BICC1: variants seen among roughly 807,000 people sequenced by gnomAD.
BICC1 encodes the protein BicC family RNA binding protein 1, also known as protein bicaudal C homolog 1.
A neutral mutation model predicts 111.0 loss-of-function variants in BICC1; 43 were observed. The observed-to-expected ratio is 0.39, with a 90% CI of 0.30 to 0.50. The LOEUF is 0.50. Among genes scored for constraint, BICC1 ranks in the 20% least tolerant of loss-of-function variants. The pLI, the probability that BICC1 is intolerant of heterozygous loss-of-function variation, is 0.88. For missense variants in BICC1, 1,091 were observed against 1,203.2 expected, an observed-to-expected ratio of 0.91 and a Z score of 1.38; for synonymous variants, 467 against 434.4, an observed-to-expected ratio of 1.07 and a Z score of -0.93.
intron 1 of BICC1, among the ~76,000 whole-genome samples, chr10:58,552,891 G>A (rs886304086): frequency 6.6e-6 from 1 of 152,106 alleles, no homozygotes; most frequent in Admixed American, 6.6e-5. Flanking sequence ...TGATATTAAA[G>A]TATGTAGAAC....
intron 3 of BICC1, among the ~76,000 whole-genome samples, chr10:58,751,203 T>G (rs1443382178): frequency 6.6e-6 from 1 of 152,092 alleles, no homozygotes; most frequent in East Asian, 1.9e-4. Flanking sequence ...TCTTGCTCCT[T>G]TAGTGTTTTG....
chr10:58,800,363 G>T (rs1211511042), intron 13 of BICC1, 37 bp downstream of exon 13: 6 of 1,597,806 alleles, frequency 3.8e-6, no homozygotes, highest in African/African-American at 1.3e-5. Context: ...CATTTTGGTT[G>T]TTATTTGGAA....
intron 3 of BICC1, among the ~76,000 whole-genome samples, chr10:58,707,524 T>C (rs1426884974): frequency 6.6e-6 from 1 of 152,074 alleles, no homozygotes; most frequent in Non-Finnish European, 1.5e-5. Context: ...TTGTTTGTTA[T>C]TAAATTTTTA....
chr10:58,542,174 A>C (rs962602031), intron 1 of BICC1, among the ~76,000 whole-genome samples: 2 of 150,658 alleles, frequency 1.3e-5, no homozygotes, highest in African/African-American at 4.9e-5. Context: ...AAACAAAAAA[A>C]AAAACCCAGA....
intron 2 of BICC1, among the ~76,000 whole-genome samples, chr10:58,622,360 G>A (rs542065156): frequency 6.6e-6 from 1 of 152,156 alleles, no homozygotes. Context: ...CAATTTAAAA[G>A]CTGAGTCAAA....
Position 58,567,372 on chromosome 10 carries a change from A to C in BICC1, c.191-53483A>C, listed in dbSNP as rs190234252. Among the ~76,000 whole-genome samples the C allele has an allele frequency of 1.2e-4, 18 of 152,160 alleles. No individual in the cohort carries two copies. The East Asian group carries it at 3.5e-3, about 29-fold the overall frequency. On this transcript the variant is annotated intron_variant, in intron 1 of 20. Coordinates refer to ENST00000373886, the MANE Select transcript of BICC1 (RefSeq NM_001080512.3). ...CCCTTTAGGAAAGTTATGAAGAGAA[A>C]GAAAAGACAGTGATTTGTCATCTTT...
intron 1 of BICC1, among the ~76,000 whole-genome samples, chr10:58,558,270 G>C (rs1843509175): frequency 6.6e-6 from 1 of 152,070 alleles, no homozygotes; most frequent in Non-Finnish European, 1.5e-5. Context: ...GAGTAAGCCT[G>C]AACATCTCCA....
chr10:58,794,623 T>C (rs1399236397), intron 9 of BICC1, among the ~76,000 whole-genome samples: 1 of 152,120 alleles, frequency 6.6e-6, no homozygotes, highest in East Asian at 1.9e-4. Flanking sequence ...TTTGGCCATG[T>C]TGCCCAGGCT....
intron 1 of BICC1, among the ~76,000 whole-genome samples, chr10:58,533,707 A>G (rs1480153998): frequency 6.6e-6 from 1 of 151,870 alleles, no homozygotes; most frequent in Non-Finnish European, 1.5e-5. Flanking sequence ...AGGTTGAAAC[A>G]AAGGGATACT....
chr10:58,569,554 CT>C (rs1564492012), intron 1 of BICC1, among the ~76,000 whole-genome samples: 2 of 152,112 alleles, frequency 1.3e-5, no homozygotes, highest in South Asian at 2.1e-4. Context: ...CTCCCACCCC[CT>C]GGCAGGTCCC....
intron 1 of BICC1, among the ~76,000 whole-genome samples, chr10:58,525,717 AT>A (rs150597323): frequency 1.6e-5 from 2 of 128,790 alleles, no homozygotes; most frequent in South Asian, 2.6e-4. Context: ...AATAAAAAAA[AT>A]TTTTTAAAGC....
chr10:58,553,649 G>A (rs534812017), intron 1 of BICC1, among the ~76,000 whole-genome samples: 1 of 152,074 alleles, frequency 6.6e-6, no homozygotes. Context: ...CACCATGCAA[G>A]TTAATTTTAG....
intron 2 of BICC1, among the ~76,000 whole-genome samples, chr10:58,623,737 G>T (rs1434591127): frequency 6.6e-6 from 1 of 152,146 alleles, no homozygotes; most frequent in Admixed American, 6.5e-5. Context: ...ATGTCCAATT[G>T]TGTGTTGGTG....
chr10:58,787,447 G>A (rs1843044445), intron 5 of BICC1, among the ~76,000 whole-genome samples: 1 of 152,108 alleles, frequency 6.6e-6, no homozygotes, highest in African/African-American at 2.4e-5. Flanking sequence ...ATACCTTTGT[G>A]GCACACCAGA....
chr10:58,555,161 A>AT (rs1041465778), intron 1 of BICC1, among the ~76,000 whole-genome samples: 4 of 151,796 alleles, frequency 2.6e-5, no homozygotes, highest in Admixed American at 1.3e-4. Context: ...CATTTTCGAG[A>AT]TTTTTTCATA....
intron 1 of BICC1, among the ~76,000 whole-genome samples, chr10:58,586,586 G>C (rs1161075294): frequency 6.8e-6 from 1 of 146,284 alleles, no homozygotes; most frequent in African/African-American, 2.5e-5. Context: ...CTACCCTCCA[G>C]CCTGGGCAAC....
At chr10:58,598,587 A>G (rs2893779) in intron 1 of BICC1, among the ~76,000 whole-genome samples, 117,321 of 152,032 alleles carry the variant, frequency 0.77, 45,709 homozygotes, top group East Asian at 0.98. Context: ...CATTCAGGAC[A>G]TAGGCATGGG....
At chr10:58,763,853 C>A (rs1842385886) in intron 3 of BICC1, among the ~76,000 whole-genome samples, 1 of 151,804 alleles carries the variant, frequency 6.6e-6, no homozygotes, top group South Asian at 2.1e-4. Context: ...GAAAGAATCA[C>A]AATACTAGAT....
rs1842703329 is a variant in BICC1 at position 58,532,330 on chromosome 10, C to CT, written c.190+19005dup. ...AAAAAAACTATGCATGGATTTCAAACTTTTTTTTGGCACTAAAATAAATTC... is the reference window on the plus strand; with the variant it reads ...AAAAAAACTATGCATGGATTTCAAACTTTTTTTTTGGCACTAAAATAAATTC... On this transcript the variant is annotated intron_variant, in intron 1 of 20. Coordinates refer to ENST00000373886, the MANE Select transcript of BICC1 (RefSeq NM_001080512.3). Among the ~76,000 whole-genome samples the CT allele has an allele frequency of 5.3e-5, 8 of 151,252 alleles. No individual in the cohort carries two copies. In the South Asian group the frequency reaches 1.0e-3, roughly 20 times the overall value.
Sources: allele counts gnomAD v4.1 joint callset (sites outside exome capture counted in the v4.1 genomes callset), GRCh38; gene constraint gnomAD v4.1.1; transcripts MANE v1.5; gene names NCBI Gene and HGNC (gene_info 2026-07-23, HGNC 2026-07-21).